B3GALT1: variants seen among roughly 807,000 people sequenced by gnomAD.
B3GALT1 encodes the protein beta-1,3-galactosyltransferase 1, also known as UDP-Gal:betaGlcNAc beta 1,3-galactosyltransferase, polypeptide 1.
In B3GALT1, 10 loss-of-function variants were observed where a neutral mutation model predicts 23.2. The observed-to-expected ratio is 0.43, with a 90% confidence interval of 0.27 to 0.73. The LOEUF is 0.73. Among genes scored for constraint, B3GALT1 ranks in the 30% least tolerant of loss-of-function variants. The probability of loss-of-function intolerance (pLI) is 0.21; values close to 1 mark genes in which losing one functional copy is unlikely to be tolerated. For synonymous variants in B3GALT1, 156 were observed against 141.5 expected (o/e 1.10, Z -0.73); for missense variants, 299 against 405.4 (o/e 0.74, Z 2.25).
intron 3 of B3GALT1, among the ~76,000 whole-genome samples, chr2:167,670,564 A>G (rs1271276485): frequency 6.6e-6 from 1 of 152,214 alleles, no homozygotes; most frequent in East Asian, 1.9e-4. Flanking sequence ...AACCCCAAAG[A>G]AGTGGAGCTC....
intron 2 of B3GALT1, among the ~76,000 whole-genome samples, chr2:167,623,515 C>T (rs542228404): frequency 1.9e-4 from 29 of 152,156 alleles, no homozygotes; most frequent in African/African-American, 7.0e-4. Context: ...GAAAACCAAA[C>T]ACCGCATATT....
At chr2:167,548,595 G>A (rs1245539849) in intron 2 of B3GALT1, among the ~76,000 whole-genome samples, 2 of 152,078 alleles carry the variant, frequency 1.3e-5, no homozygotes, top group Admixed American at 6.6e-5. Context: ...GCAACAGTGA[G>A]AATGCAAGCA....
At chr2:167,834,007 A>G (rs535052745) in intron 4 of B3GALT1, among the ~76,000 whole-genome samples, 4 of 152,324 alleles carry the variant, frequency 2.6e-5, no homozygotes, top group Admixed American at 6.5e-5. Context: ...TTGGATTTCT[A>G]TATCAGTGAG....
At chr2:167,342,757 C>T (rs982773613) in intron 1 of B3GALT1, among the ~76,000 whole-genome samples, 4 of 152,040 alleles carry the variant, frequency 2.6e-5, no homozygotes, top group Admixed American at 6.5e-5. Context: ...TTCCGATTTC[C>T]GTGTACATGG....
At chr2:167,369,310 A>G (rs1697643309) in intron 1 of B3GALT1, among the ~76,000 whole-genome samples, 1 of 152,166 alleles carries the variant, frequency 6.6e-6, no homozygotes, top group Admixed American at 6.6e-5. Flanking sequence ...AATAGTGGCA[A>G]TGAGCAAGTG....
chr2:167,573,507 G>A (rs568238566), intron 2 of B3GALT1, among the ~76,000 whole-genome samples: 36 of 151,666 alleles, frequency 2.4e-4, no homozygotes, highest in African/African-American at 8.7e-4. Context: ...GATGGCTTGT[G>A]GGAATTATGC....
chr2:167,720,505 A>T (rs749723086), intron 3 of B3GALT1, among the ~76,000 whole-genome samples: 13 of 152,184 alleles, frequency 8.5e-5, no homozygotes, highest in Non-Finnish European at 1.9e-4. Flanking sequence ...ACACGGTCAC[A>T]CAACTTGCAA....
chr2:167,796,476 G>A (rs1291258892), intron 3 of B3GALT1, among the ~76,000 whole-genome samples: 1 of 152,122 alleles, frequency 6.6e-6, no homozygotes, highest in Non-Finnish European at 1.5e-5. Context: ...GGCCAGGTAT[G>A]GTGGCTCACA....
intron 3 of B3GALT1, among the ~76,000 whole-genome samples, chr2:167,731,252 C>T (rs1268980746): frequency 2.6e-5 from 4 of 152,164 alleles, no homozygotes; most frequent in African/African-American, 9.7e-5. Context: ...AAAATTGGCA[C>T]CTAGCTAGTC....
At chr2:167,829,500 AAAG>A (rs775394254) in intron 4 of B3GALT1, among the ~76,000 whole-genome samples, 56 of 151,784 alleles carry the variant, frequency 3.7e-4, no homozygotes, top group Non-Finnish European at 6.5e-4. Context: ...AAAAAAAAGA[AAAG>A]AAGAAGAAAG....
chr2:167,488,325 T>G (rs1316555711), intron 1 of B3GALT1, among the ~76,000 whole-genome samples: 1 of 152,236 alleles, frequency 6.6e-6, no homozygotes, highest in African/African-American at 2.4e-5. Flanking sequence ...TCTTTGTTTT[T>G]GTCTACTTTA....
At chr2:167,447,150 A>G (rs1250012096) in intron 1 of B3GALT1, among the ~76,000 whole-genome samples, 1 of 152,154 alleles carries the variant, frequency 6.6e-6, no homozygotes, top group African/African-American at 2.4e-5. Flanking sequence ...TTGCCTGGGT[A>G]TCACCAGTGG....
intron 3 of B3GALT1, among the ~76,000 whole-genome samples, chr2:167,806,149 G>C (rs1208503867): frequency 6.6e-6 from 1 of 152,170 alleles, no homozygotes; most frequent in Non-Finnish European, 1.5e-5. Context: ...TGGTGTATAA[G>C]ACTGCTTGTG....
At chr2:167,865,563 G>A (rs138004195) in intron 4 of B3GALT1, among the ~76,000 whole-genome samples, 10,502 of 152,228 alleles carry the variant, frequency 0.069, 464 homozygotes, top group Middle Eastern at 0.17. Flanking sequence ...AGGCCGAGGC[G>A]GGCAGATCAC....
intron 2 of B3GALT1, among the ~76,000 whole-genome samples, chr2:167,566,571 AAAAG>A (rs1684174535): frequency 1.3e-5 from 2 of 152,022 alleles, no homozygotes; most frequent in African/African-American, 4.8e-5. Context: ...GACAAAATAA[AAAAG>A]AATAACGTAG....
chr2:167,820,786 A>G (rs1689089478), intron 4 of B3GALT1, among the ~76,000 whole-genome samples: 1 of 152,380 alleles, frequency 6.6e-6, no homozygotes, highest in African/African-American at 2.4e-5. Context: ...AAATTGAAAG[A>G]TAGCCATTAT....
chr2:167,672,282 A>T (rs1349443304), intron 3 of B3GALT1, among the ~76,000 whole-genome samples: 3 of 152,146 alleles, frequency 2.0e-5, no homozygotes, highest in Admixed American at 2.0e-4. Flanking sequence ...CCAGCTGCAT[A>T]CCAACACAAC....
chr2:167,305,026 T>G (rs1177825875), intron 1 of B3GALT1, among the ~76,000 whole-genome samples: 6 of 152,176 alleles, frequency 3.9e-5, no homozygotes, highest in African/African-American at 1.4e-4. Context: ...CCATCTAGGT[T>G]AGTGAAGATG....
At chr2:167,791,706 T>G (rs532068988) in intron 3 of B3GALT1, among the ~76,000 whole-genome samples, 2 of 152,300 alleles carry the variant, frequency 1.3e-5, no homozygotes, top group East Asian at 3.9e-4. Flanking sequence ...AAAGTGAGCA[T>G]AGATCAAGGC....
Sources: gnomAD v4.1 joint callset for allele counts (sites outside exome capture counted in the v4.1 genomes callset) on GRCh38, gnomAD v4.1.1 for gene constraint, MANE v1.5 for transcripts, NCBI Gene and HGNC (gene_info 2026-07-23, HGNC 2026-07-21) for gene names.